SAMSN1: variants seen among roughly 807,000 people sequenced by gnomAD.
The protein encoded by SAMSN1 is SAM domain-containing protein SAMSN-1.
In SAMSN1, 31 loss-of-function variants were observed where a neutral mutation model predicts 42.0. The ratio of observed to expected loss-of-function variants is 0.74; its 90% CI spans 0.55 to 1.00. The LOEUF is 1.00. Among genes scored for constraint, SAMSN1 ranks in the 50% least tolerant of loss-of-function variants. The pLI is 0.00. For missense variants in SAMSN1, 464 were observed against 439.4 expected, an observed-to-expected ratio of 1.06 and a Z score of -0.50; for synonymous variants, 178 against 151.9, an observed-to-expected ratio of 1.17 and a Z score of -1.26.
chr21:14,532,266 A>G (rs570593321), intron 1 of SAMSN1, among the ~76,000 whole-genome samples: 1 of 152,322 alleles, frequency 6.6e-6, no homozygotes, highest in Admixed American at 6.5e-5. Context: ...GCTGCAGTTA[A>G]TATCATAAAG....
chr21:14,488,829 C>T (rs900245819), intron 7 of SAMSN1, among the ~76,000 whole-genome samples: 2 of 152,214 alleles, frequency 1.3e-5, no homozygotes, highest in African/African-American at 4.8e-5. Flanking sequence ...CACGACTGTG[C>T]TCCTCAAATG....
chr21:14,503,587 C>G (rs1208408381), intron 5 of SAMSN1, among the ~76,000 whole-genome samples: 1 of 152,088 alleles, frequency 6.6e-6, no homozygotes, highest in East Asian at 1.9e-4. Flanking sequence ...AGAATGAATA[C>G]AGAGGATAAG....
intron 2 of SAMSN1, among the ~76,000 whole-genome samples, chr21:14,567,798 C>T (rs540562856): frequency 6.6e-6 from 1 of 151,594 alleles, no homozygotes; most frequent in East Asian, 1.9e-4. Context: ...TGACCTTGGG[C>T]GAGTTCCTCA....
chr21:14,544,296 G>A (rs564122657), intron 1 of SAMSN1, among the ~76,000 whole-genome samples: 110 of 152,182 alleles, frequency 7.2e-4, no homozygotes, highest in South Asian at 1.5e-3. Context: ...AGTGATTTAC[G>A]CACCTCGGCC....
intron 1 of SAMSN1, among the ~76,000 whole-genome samples, chr21:14,541,248 G>T (rs1358842022): frequency 6.6e-6 from 1 of 151,452 alleles, no homozygotes; most frequent in Non-Finnish European, 1.5e-5. Context: ...ACCTGCACAT[G>T]TACCCTAGAA....
chr21:14,551,185 G>T (rs1428019885), upstream of SAMSN1, among the ~76,000 whole-genome samples: 3 of 152,082 alleles, frequency 2.0e-5, no homozygotes, highest in African/African-American at 7.2e-5. Flanking sequence ...ATCTTGGGAA[G>T]CCTCTTAGAG....
chr21:14,520,899 C>T (rs1195737241), intron 2 of SAMSN1, among the ~76,000 whole-genome samples: 3 of 151,936 alleles, frequency 2.0e-5, no homozygotes, highest in East Asian at 3.9e-4. Flanking sequence ...CCTTTTCACC[C>T]GATATACCCT....
chr21:14,577,318 T>A (rs2123233226), intron 2 of SAMSN1, among the ~76,000 whole-genome samples: 1 of 135,664 alleles, frequency 7.4e-6, no homozygotes, highest in South Asian at 2.5e-4. Flanking sequence ...TTTTACTGTG[T>A]TAGCCAGGAT....
chr21:14,581,246 T>C lies in SAMSN1; in HGVS notation c.261+890A>G, dbSNP rs557238023. Among the ~76,000 whole-genome samples the C allele has an allele frequency of 4.6e-5, 7 of 151,290 alleles. No individual in the cohort carries two copies. In the East Asian group the frequency reaches 1.4e-3, roughly 29 times the overall value. On this transcript the variant is annotated intron_variant, in intron 2 of 8. Coordinates refer to the SAMSN1 transcript ENST00000285670. ...CTAAAAGCAAGACCTAGGTTATAGG[T>C]CTTGGCTCTACCTCCTGTTAGCTGT...
At chr21:14,588,928 G>T (rs1478435328) in intron 7 of SAMSN1, among the ~76,000 whole-genome samples, 2 of 151,826 alleles carry the variant, frequency 1.3e-5, no homozygotes, top group African/African-American at 4.8e-5. Flanking sequence ...CATCAAAATG[G>T]TAATTATATG....
chr21:14,536,752 C>A (rs17274303), intron 1 of SAMSN1, among the ~76,000 whole-genome samples: 3,441 of 152,252 alleles, frequency 0.023, 60 homozygotes, highest in Non-Finnish European at 0.037. Context: ...TGACTGTAAA[C>A]AATGGAATGA....
intron 2 of SAMSN1, among the ~76,000 whole-genome samples, chr21:14,631,973 AG>A (rs1159518460): frequency 6.6e-6 from 1 of 152,156 alleles, no homozygotes; most frequent in African/African-American, 2.4e-5. Context: ...AAGGAAGGGA[AG>A]GAAAAAAACT....
intron 2 of SAMSN1, among the ~76,000 whole-genome samples, chr21:14,642,390 C>A (rs1169232709): frequency 6.6e-6 from 1 of 152,102 alleles, no homozygotes; most frequent in African/African-American, 2.4e-5. Flanking sequence ...TGGTGTGTAT[C>A]CATAAATTCA....
chr21:14,549,389 G>GT (rs1302252722), upstream of SAMSN1, among the ~76,000 whole-genome samples: 1 of 152,060 alleles, frequency 6.6e-6, no homozygotes, highest in East Asian at 1.9e-4. Flanking sequence ...TGGATGAAGG[G>GT]TTTTAAAATC....
intron 2 of SAMSN1, among the ~76,000 whole-genome samples, chr21:14,553,289 G>T (rs1457179484): frequency 1.3e-5 from 2 of 151,548 alleles, no homozygotes; most frequent in East Asian, 1.9e-4. Context: ...TTCCTCTTTT[G>T]CCCATTTTTG....
chr21:14,601,603 T>C (rs1359030985), intron 6 of SAMSN1, among the ~76,000 whole-genome samples: 1 of 152,198 alleles, frequency 6.6e-6, no homozygotes, highest in Non-Finnish European at 1.5e-5. Context: ...ATTACTATTA[T>C]TAGTGAGGCC....
chr21:14,497,031 C>T (rs1986939121), intron 7 of SAMSN1, among the ~76,000 whole-genome samples: 2 of 152,126 alleles, frequency 1.3e-5, no homozygotes, highest in Admixed American at 1.3e-4. Context: ...CGCTTTCCTC[C>T]CTCCTCACTC....
Position 14,582,627 on chromosome 21 carries a change from A to G in SAMSN1, c.-92-139T>C, listed in dbSNP as rs142259108. On this transcript the variant is annotated intron_variant, in intron 1 of 8. Coordinates refer to the SAMSN1 transcript ENST00000285670. Reference sequence around the variant, plus strand: ...CATTCAATTTTATAAAATTATTTACAGCAGCATTTATTTAAAAAGCAAGTT... The same window carrying G: ...CATTCAATTTTATAAAATTATTTACGGCAGCATTTATTTAAAAAGCAAGTT... 305 of 429,094 alleles carry G rather than the reference A, an allele frequency of 7.1e-4. 1 individual carries two copies. Among genetic ancestry groups the G allele is most frequent in the African/African-American group, 5.6e-3 (276 of 49,470 alleles). The allele number at this position is 429,094 out of a possible 1,614,324, so 26.6% of individuals were successfully genotyped here. A position where few individuals can be genotyped will look rare whatever the true frequency, so the allele number is the denominator to read the frequency against.
At chr21:14,563,680 A>G (rs1981017543) in intron 2 of SAMSN1, among the ~76,000 whole-genome samples, 2 of 152,204 alleles carry the variant, frequency 1.3e-5, no homozygotes, top group Non-Finnish European at 2.9e-5. Context: ...CAAAAACAAC[A>G]GTGGTTCCTA....
Sources: allele counts gnomAD v4.1 joint callset (sites outside exome capture counted in the v4.1 genomes callset), GRCh38; gene constraint gnomAD v4.1.1; transcripts MANE v1.5; gene names NCBI Gene and HGNC (gene_info 2026-07-23, HGNC 2026-07-21).